SARS2: variants seen among roughly 807,000 people sequenced by gnomAD.
SARS2 encodes the protein serine--tRNA ligase, mitochondrial.
Under a neutral mutation model 66.8 loss-of-function variants are expected in SARS2, and 52 were observed. The observed-to-expected ratio is 0.78, with a 90% CI of 0.62 to 0.98. The LOEUF is 0.98. SARS2 is among the 50% of genes least tolerant of loss of function. The pLI is 0.00. For missense variants in SARS2, 673 were observed against 706.3 expected (o/e 0.95, Z 0.53); for synonymous variants, 306 against 281.4 (o/e 1.09, Z -0.87).
intron 12 of SARS2, 32 bp from the exon 13 acceptor site, chr19:38,916,346 C>G: frequency 1.3e-6 from 2 of 1,589,994 alleles, no homozygotes; most frequent in Non-Finnish European, 1.7e-6. Flanking sequence ...TGGGGAAGGT[C>G]AGCGGGTGAG....
chr19:38,918,769 C>T lies in SARS2; in HGVS notation c.804G>A (p.Val268=). ...GAAGCGGAGAGGCCTCACTCACAAA[C>T]ACTGCTCCGCGGAGAAGGTCTGGCA... ...MTVPDLLRGA[V]FEGCGMTPNA... The change falls in exon 8 of 16, where the codon GTG becomes GTA. Residue 268 remains valine (V), a synonymous_variant. Transcript: ENST00000221431. The T allele has an allele frequency of 6.4e-7, 1 of 1,560,216 alleles. No individual in the cohort carries two copies. The highest frequency in any genetic ancestry group is 8.7e-7 in the Non-Finnish European group (1 of 1,151,336).
At chr19:38,922,542 T>C (rs1974556308) in intron 2 of SARS2, among the ~76,000 whole-genome samples, 2 of 152,208 alleles carry the variant, frequency 1.3e-5, no homozygotes, top group African/African-American at 4.8e-5. Context: ...CCATGATTTC[T>C]TCAAAATCCA....
In SARS2 at chr19:38,916,244, G is replaced by C. The variant is rs1974414971; in HGVS notation, c.1231C>G (p.Pro411Ala). Residue 411 changes from proline (P) to alanine (A), a missense_variant, in exon 13 of 16, where the codon CCA becomes GCA. Coordinates refer to ENST00000221431, the MANE Select transcript of SARS2 (RefSeq NM_017827.4). ...ACCTCTCCAAAGCGGCCTCGGCCTGGCATCCAGGCCTCAATGTCAAACTTG... is the reference window on the plus strand; with the variant it reads ...ACCTCTCCAAAGCGGCCTCGGCCTGCCATCCAGGCCTCAATGTCAAACTTG... ...YRKFDIEAWMPGRGRFGEVTS... is the reference protein window; with the variant it reads ...YRKFDIEAWMAGRGRFGEVTS... The C allele has an allele frequency of 6.2e-7, 1 of 1,614,094 alleles. No individual in the cohort carries two copies. Among genetic ancestry groups the C allele is most frequent in the Non-Finnish European group, 8.5e-7 (1 of 1,179,960 alleles).
At position 38,917,828 on chromosome 19, in the gene SARS2, C is replaced by T; in HGVS notation, c.1056G>A (p.Glu352=). ...GCCCAGGGCCTGTCACCCCAAACAT[C>T]TCCACCTGGGACAGAGGGCACAGGA... ...LYRVHHFTKV[E]MFGVTGPGLE... is the part of the protein sequence containing the mutation. The change falls in exon 12 of 16, where the codon GAG becomes GAA. Residue 352 remains glutamate (E), a synonymous_variant. Coordinates refer to ENST00000221431, the MANE Select transcript of SARS2 (RefSeq NM_017827.4). 6.2e-7 allele frequency: 1 copy of T among 1,614,162 alleles called. No homozygotes were observed. The highest frequency in any genetic ancestry group is 8.5e-7 in the Non-Finnish European group (1 of 1,179,966).
chr19:38,921,499 C>T (rs1974535344), intron 4 of SARS2, 28 bp downstream of exon 4: 2 of 1,614,054 alleles, frequency 1.2e-6, no homozygotes, highest in Admixed American at 3.3e-5. Flanking sequence ...GGGCCCCTGG[C>T]CTCCCTGCCA....
At chr19:38,920,448 GA>G (rs916862571) in intron 5 of SARS2, among the ~76,000 whole-genome samples, 22 of 151,444 alleles carry the variant, frequency 1.5e-4, no homozygotes, top group African/African-American at 5.1e-4. Context: ...AGAGGAGAAG[GA>G]AACACCACGA....
Position 38,921,399 on chromosome 19 carries a change from G to A in SARS2, c.582C>T (p.Asp194=). 6.2e-7 allele frequency: 1 copy of A among 1,613,428 alleles called. No individual in the cohort carries two copies. The highest frequency in any genetic ancestry group is 1.1e-5 in the South Asian group (1 of 91,042). ...GCCTGGGGTGTGGCCCACCTGGCTT[G>A]TCTCCGACCATGTGGAGCACTCGAG... is the stretch of plus-strand genomic sequence containing the variant. ...SQARVLHMVG[D]KPVFSFQPRG... is the part of the protein sequence containing the mutation. The change falls in exon 5 of 16, where the codon GAC becomes GAT. Residue 194 remains aspartate (D), a synonymous_variant. Transcript: ENST00000221431.
intron 7 of SARS2, among the ~76,000 whole-genome samples, 161 bp from the exon 8 acceptor site, chr19:38,918,974 T>G (rs903639962): frequency 1.3e-5 from 2 of 152,102 alleles, no homozygotes; most frequent in Non-Finnish European, 2.9e-5. Context: ...TTTGGGAGGC[T>G]GAGGTGGGCG....
chr19:38,922,136 C>A (rs1272534533), intron 3 of SARS2, 102 bp downstream of exon 3: 3 of 1,601,730 alleles, frequency 1.9e-6, no homozygotes, highest in Non-Finnish European at 2.6e-6. Flanking sequence ...TCCCCTTAAA[C>A]CTGTTTGAGT....
At chr19:38,922,304 C>CA in intron 2 of SARS2, 37 bp from the exon 3 acceptor site, 1 of 1,610,186 alleles carries the variant, frequency 6.2e-7, no homozygotes, top group Non-Finnish European at 8.5e-7. Flanking sequence ...ATTAGGTTGA[C>CA]AAAGTCGAGG....
intron 13 of SARS2, 24 bp downstream of exon 13, chr19:38,916,197 C>T (rs747661149): frequency 2.3e-5 from 37 of 1,613,308 alleles, no homozygotes; most frequent in East Asian, 4.5e-5. Context: ...CTGCCCACCC[C>T]GTCCCCAGCG....
chr19:38,923,005 G>C (rs1047304457), intron 2 of SARS2, among the ~76,000 whole-genome samples: 1 of 149,714 alleles, frequency 6.7e-6, no homozygotes, highest in Non-Finnish European at 1.5e-5. Context: ...CTGGGTTCAC[G>C]CCATTCTCCT....
intron 5 of SARS2, 34 bp from the exon 6 acceptor site, chr19:38,920,183 G>T (rs1398269012): frequency 6.5e-7 from 1 of 1,533,726 alleles, no homozygotes; most frequent in Non-Finnish European, 8.8e-7. Context: ...GTGTAAGGCA[G>T]CGGGGAGAGA....
At chr19:38,925,755 C>G (rs1245220544) in intron 2 of SARS2, among the ~76,000 whole-genome samples, 1 of 152,128 alleles carries the variant, frequency 6.6e-6, no homozygotes. Context: ...TTAATCAGCC[C>G]TAGGGATGCC....
chr19:38,926,399 G>T (rs1974629333), intron 1 of SARS2, 99 bp from the exon 2 acceptor site: 2 of 1,093,390 alleles, frequency 1.8e-6, no homozygotes, highest in South Asian at 1.3e-5. Flanking sequence ...CAGTGAGGCA[G>T]AGATCCCTAC....
chr19:38,919,852 C>T lies in SARS2; in HGVS notation c.669G>A (p.Val223=). The T allele has an allele frequency of 6.2e-7, 1 of 1,614,086 alleles. No individual in the cohort carries two copies. Among genetic ancestry groups the T allele is most frequent in the Non-Finnish European group, 8.5e-7 (1 of 1,179,976 alleles). The change falls in exon 7 of 16, where the codon GTG becomes GTA. Residue 223 remains valine, a synonymous_variant. Coordinates refer to ENST00000221431, the MANE Select transcript of SARS2 (RefSeq NM_017827.4). ...DIIRQKRLSH[V]SGHRSYYLRG... ...GCAGGTAATAGGACCGGTGGCCAGA[C>T]ACGTGGGACAGGCGCCTGGGAGACA... is the stretch of plus-strand genomic sequence containing the variant.
chr19:38,927,412 T>C (rs1249003166), intron 1 of SARS2, among the ~76,000 whole-genome samples: 2 of 151,464 alleles, frequency 1.3e-5, no homozygotes, highest in African/African-American at 4.9e-5. Context: ...CTACAAAAAT[T>C]AGCTGGGCAT....
At chr19:38,924,322 T>G (rs1420718666) in intron 2 of SARS2, among the ~76,000 whole-genome samples, 3 of 152,276 alleles carry the variant, frequency 2.0e-5, no homozygotes, top group Admixed American at 6.5e-5. Context: ...GGCACCTACA[T>G]GCTGTGAGCC....
At chr19:38,925,169 C>T (rs554329948) in intron 2 of SARS2, among the ~76,000 whole-genome samples, 6 of 152,124 alleles carry the variant, frequency 3.9e-5, no homozygotes, top group Middle Eastern at 6.8e-3. Flanking sequence ...CAAAATTAGC[C>T]GGGCGTGGTG....
Sources: gnomAD v4.1 joint callset for allele counts (sites outside exome capture counted in the v4.1 genomes callset) on GRCh38, gnomAD v4.1.1 for gene constraint, MANE v1.5 for transcripts, NCBI Gene and HGNC (gene_info 2026-07-23, HGNC 2026-07-21) for gene names.